The following USP25 variants were observed in gnomAD, a reference collection of about 807,000 sequenced individuals.
USP25 encodes the protein ubiquitin specific peptidase 25, also known as ubiquitin carboxyl-terminal hydrolase 25.
USP25 carries 85 observed loss-of-function variants against 158.5 expected under a neutral mutation model. That is an observed-to-expected ratio of 0.54 (90% confidence interval 0.45 to 0.64). The LOEUF is 0.64. Among genes scored for constraint, USP25 ranks in the 30% least tolerant of loss-of-function variants. The pLI is 0.00. For missense variants in USP25, 1,242 were observed against 1,327.3 expected, an observed-to-expected ratio of 0.94 and a Z score of 1.00; for synonymous variants, 464 against 460.4, an observed-to-expected ratio of 1.01 and a Z score of -0.10.
chr21:15,805,169 C>T lies in USP25; in HGVS notation c.691C>T (p.Leu231Phe), dbSNP rs776225586. The T allele has an allele frequency of 6.2e-7, 1 of 1,608,918 alleles. No individual in the cohort carries two copies. The highest frequency in any genetic ancestry group is 8.5e-7 in the Non-Finnish European group (1 of 1,177,960). Residue 231 changes from leucine (L) to phenylalanine (F), a missense_variant, in exon 7 of 26, where the codon CTT becomes TTT. Leu to Phe is a conservative substitution (Grantham distance 22). Transcript: ENST00000400183. ...GCGTGAGCTGAGGTATCTATTTGCA[C>T]TTCTTGTTGGTACCAAAAGGAAGTA... ...FMRELRYLFA[L>F]LVGTKRKYVD...
intron 2 of USP25, among the ~76,000 whole-genome samples, chr21:15,765,790 G>C (rs1234702611): frequency 1.3e-5 from 2 of 152,014 alleles, no homozygotes; most frequent in African/African-American, 2.4e-5. Flanking sequence ...CATTGTATCA[G>C]TAGTTTTAAT....
intron 14 of USP25, 106 bp from the exon 15 acceptor site, chr21:15,830,425 A>T (rs547840130): frequency 1.1e-6 from 1 of 902,942 alleles, no homozygotes; most frequent in East Asian, 2.8e-5. Context: ...AGTTTTAGGA[A>T]AATTTTCCTA....
chr21:15,801,167 A>G (rs772847600), intron 6 of USP25, among the ~76,000 whole-genome samples: 20 of 151,592 alleles, frequency 1.3e-4, no homozygotes, highest in Non-Finnish European at 2.4e-4. Context: ...GCATGTATGT[A>G]TATGCATCTT....
At chr21:15,783,197 A>C (rs185898924) in intron 4 of USP25, among the ~76,000 whole-genome samples, 3 of 149,572 alleles carry the variant, frequency 2.0e-5, no homozygotes, top group Admixed American at 6.7e-5. Context: ...GAAATAACCC[A>C]TTCAGAAGAA....
At chr21:15,770,068 C>A (rs929438960) in intron 3 of USP25, among the ~76,000 whole-genome samples, 3 of 151,730 alleles carry the variant, frequency 2.0e-5, no homozygotes, top group African/African-American at 7.3e-5. Context: ...TTATGGCTAT[C>A]TTGCTTGGCC....
chr21:15,815,201 G>C (rs373845645), intron 9 of USP25, among the ~76,000 whole-genome samples: 1 of 152,262 alleles, frequency 6.6e-6, no homozygotes, highest in Middle Eastern at 3.4e-3. Context: ...TGAGGTTTGG[G>C]CACCTCCACC....
At chr21:15,812,150 A>AGTTTATATATATAT (rs1254660513) in intron 9 of USP25, among the ~76,000 whole-genome samples, 2 of 150,642 alleles carry the variant, frequency 1.3e-5, no homozygotes, top group Non-Finnish European at 3.0e-5. Flanking sequence ...AATATATATA[A>AGTTTATATATATAT]GTTTATATAT....
intron 25 of USP25, 145 bp downstream of exon 25, chr21:15,878,136 A>G: frequency 9.3e-7 from 1 of 1,072,272 alleles, no homozygotes; most frequent in South Asian, 1.9e-5. Flanking sequence ...CTCTTTTTCC[A>G]TATTGATGAA....
rs191901789 is a variant in USP25 at position 15,746,261 on chromosome 21, A to G, written c.45+15823A>G. On this transcript the variant is annotated intron_variant, in intron 1 of 25. Transcript: ENST00000400183. ...TTCTGAGTAGGATTGTGTTGGATGT[A>G]TGGATTCTTTCTGACTGTTTGGACA... Among the ~76,000 whole-genome samples the G allele has an allele frequency of 5.9e-5, 9 of 152,260 alleles. No individual in the cohort carries two copies. In the East Asian group the frequency reaches 1.7e-3, roughly 29 times the overall value.
At chr21:15,825,815 T>C (rs1212980393) in intron 12 of USP25, among the ~76,000 whole-genome samples, 1 of 152,202 alleles carries the variant, frequency 6.6e-6, no homozygotes, top group Non-Finnish European at 1.5e-5. Context: ...TGAATAATCA[T>C]ATTGAAACAT....
chr21:15,740,501 GAAACCCAAAGC>G (rs1007777306), intron 1 of USP25, among the ~76,000 whole-genome samples: 1 of 152,056 alleles, frequency 6.6e-6, no homozygotes, highest in Non-Finnish European at 1.5e-5. Context: ...CATCTCTATG[GAAACCCAAAGC>G]TTCAGGTGGC....
intron 23 of USP25, among the ~76,000 whole-genome samples, chr21:15,871,640 T>G (rs1229141080): frequency 3.3e-5 from 5 of 152,204 alleles, no homozygotes; most frequent in African/African-American, 1.2e-4. Flanking sequence ...AGCTTCTGTA[T>G]TAGTTGTTCC....
chr21:15,803,801 G>T (rs546561386), intron 6 of USP25, among the ~76,000 whole-genome samples: 1 of 151,778 alleles, frequency 6.6e-6, no homozygotes, highest in Non-Finnish European at 1.5e-5. Flanking sequence ...ATGTCTGAGG[G>T]CATATTTGGA....
At chr21:15,848,818 C>CA (rs2038751415) in intron 19 of USP25, among the ~76,000 whole-genome samples, 1 of 152,062 alleles carries the variant, frequency 6.6e-6, no homozygotes, top group Non-Finnish European at 1.5e-5. Context: ...AGATATATTG[C>CA]AATTCTCAGT....
intron 22 of USP25, among the ~76,000 whole-genome samples, chr21:15,869,694 G>A (rs956203992): frequency 2.6e-5 from 4 of 152,090 alleles, no homozygotes; most frequent in African/African-American, 4.8e-5. Flanking sequence ...CATACTCAGC[G>A]TAATATTTCA....
chr21:15,877,277 C>G (rs2040137322), intron 24 of USP25: 1 of 152,310 alleles, frequency 6.6e-6, no homozygotes, highest in South Asian at 2.1e-4. Flanking sequence ...GCCCCTGCAT[C>G]TGCAGAAATT....
chr21:15,865,562 C>A (rs927216031), intron 21 of USP25, among the ~76,000 whole-genome samples: 1 of 152,198 alleles, frequency 6.6e-6, no homozygotes, highest in Non-Finnish European at 1.5e-5. Context: ...TATTTTGATA[C>A]ATGCGACTGC....
intron 21 of USP25, among the ~76,000 whole-genome samples, chr21:15,865,789 C>G (rs1419794962): frequency 6.6e-6 from 1 of 152,006 alleles, no homozygotes; most frequent in Admixed American, 6.6e-5. Context: ...TGAATAAATA[C>G]ATTTCGTGAG....
rs2039530865 is a variant in USP25, at chr21:15,863,726, T to C, written c.2548-542T>C. On this transcript the variant is annotated intron_variant, in intron 20 of 25. Transcript: ENST00000400183. ...TGTGTGGAAGCAAAAAGAACGTTTA[T>C]ATAGTGAAGGGATAAAGAAGGGCCT... 3.3e-5 allele frequency among the ~76,000 whole-genome samples: 5 copies of C among 152,198 alleles called. No homozygotes were observed. The South Asian group carries it at 1.0e-3, about 31-fold the overall frequency.
Sources: allele counts gnomAD v4.1 joint callset (sites outside exome capture counted in the v4.1 genomes callset), GRCh38; gene constraint gnomAD v4.1.1; transcripts MANE v1.5; gene names NCBI Gene and HGNC (gene_info 2026-07-23, HGNC 2026-07-21).